The following PELI2 variants were observed in gnomAD, a reference collection of about 807,000 sequenced individuals.
PELI2 encodes E3 ubiquitin-protein ligase pellino homolog 2.
In PELI2, 23 loss-of-function variants were observed where a neutral mutation model predicts 42.3. The ratio of observed to expected loss-of-function variants is 0.54; its 90% CI spans 0.39 to 0.77. The LOEUF (loss-of-function observed/expected upper bound fraction) is 0.77. Ranked by LOEUF, PELI2 falls within the 30% of genes least tolerant of loss-of-function variation. The pLI is 0.00. For missense variants in PELI2, 463 were observed against 553.2 expected (o/e 0.84, Z 1.64); for synonymous variants, 245 against 212.2 (o/e 1.15, Z -1.34).
In PELI2 at chr14:56,298,331, G is replaced by A. The variant is rs1381532405; in HGVS notation, c.*1165G>A. 1 of 57,758 alleles carries A rather than the reference G, an allele frequency of 1.7e-5. No homozygotes were observed. The highest frequency in any genetic ancestry group is 3.3e-5 in the Non-Finnish European group (1 of 30,712). The allele number at this position is 57,758 out of a possible 1,614,324, so 3.6% of individuals were successfully genotyped here. A position where few individuals can be genotyped will look rare whatever the true frequency, so the allele number is the denominator to read the frequency against. ...AATTCCTGCTTTTGAGAGAGCAAAT[G>A]AGTGTTGCTGAGGAATAATTAAATG... On this transcript the variant is annotated 3_prime_UTR_variant, in exon 6 of 6. Transcript: ENST00000267460.
chr14:56,254,732 A>C (rs950665252), intron 2 of PELI2, among the ~76,000 whole-genome samples: 3 of 152,186 alleles, frequency 2.0e-5, no homozygotes, highest in Non-Finnish European at 4.4e-5. Context: ...AATTTTTGCA[A>C]TCTTTCCCGT....
Position 56,205,938 on chromosome 14 carries a change from A to AT in PELI2, c.207+27483dup, listed in dbSNP as rs1341754207. Among the ~76,000 whole-genome samples, 7 of 151,740 alleles carry AT rather than the reference A, an allele frequency of 4.6e-5. No homozygotes were observed. In the East Asian group the frequency reaches 7.7e-4, roughly 17 times the overall value. ...TCTAAGAGGGTAATTGGAGAGTTGG[A>AT]TTTTTTTTTCCTGTGGACTAATCAG... On this transcript the variant is annotated intron_variant, in intron 2 of 5. Transcript: ENST00000267460.
At chr14:56,240,564 T>C (rs557653541) in intron 2 of PELI2, among the ~76,000 whole-genome samples, 96 of 152,250 alleles carry the variant, frequency 6.3e-4, no homozygotes, top group Non-Finnish European at 1.0e-3. Context: ...GGAAGACTAC[T>C]CTTTCAAGGA....
At chr14:56,200,736 C>G (rs1394304324) in intron 2 of PELI2, among the ~76,000 whole-genome samples, 1 of 152,218 alleles carries the variant, frequency 6.6e-6, no homozygotes, top group Non-Finnish European at 1.5e-5. Flanking sequence ...AATCAGGTCT[C>G]TCCTTCTTAA....
chr14:56,297,925 G>A lies in PELI2; in HGVS notation c.*759G>A, dbSNP rs555607137. The stretch of plus-strand genomic sequence containing the variant: ...ATACTCATCTTGCACGGCCAGAACT[G>A]TTTGGTTGATTAAAATACATCAGCT... On this transcript the variant is annotated 3_prime_UTR_variant, in exon 6 of 6. Transcript: ENST00000267460. 1 of 152,076 alleles carries A rather than the reference G, an allele frequency of 6.6e-6. No individual in the cohort carries two copies. The highest frequency in any genetic ancestry group is 1.5e-5 in the Non-Finnish European group (1 of 68,022). The allele number at this position is 152,076 out of a possible 1,614,324, so 9.4% of individuals were successfully genotyped here.
intron 1 of PELI2, among the ~76,000 whole-genome samples, chr14:56,155,447 A>G (rs1010547897): frequency 2.0e-5 from 3 of 152,156 alleles, no homozygotes; most frequent in Non-Finnish European, 4.4e-5. Context: ...CCCTAGCACA[A>G]TCGATTAGAT....
chr14:56,226,301 C>A (rs1182289932), intron 2 of PELI2, among the ~76,000 whole-genome samples: 1 of 152,206 alleles, frequency 6.6e-6, no homozygotes, highest in African/African-American at 2.4e-5. Flanking sequence ...TTGCTTTTCA[C>A]CCCTGCCCAC....
intron 1 of PELI2, among the ~76,000 whole-genome samples, chr14:56,165,413 T>C (rs10149099): frequency 7.7e-4 from 117 of 152,296 alleles, no homozygotes; most frequent in African/African-American, 2.7e-3. Context: ...ATTTTTTGAA[T>C]GTTTTAAGAC....
intron 2 of PELI2, among the ~76,000 whole-genome samples, chr14:56,256,439 G>A (rs1188920097): frequency 1.3e-5 from 2 of 151,490 alleles, no homozygotes; most frequent in Non-Finnish European, 2.9e-5. Flanking sequence ...GGCAAAGATC[G>A]AGACCCTGTC....
intron 1 of PELI2, among the ~76,000 whole-genome samples, chr14:56,146,951 G>A (rs1433105507): frequency 6.6e-6 from 1 of 152,100 alleles, no homozygotes; most frequent in Admixed American, 6.5e-5. Context: ...CCAGTCTGTG[G>A]TTAATTCCTG....
intron 3 of PELI2, among the ~76,000 whole-genome samples, chr14:56,284,671 C>T (rs1889591709): frequency 6.6e-6 from 1 of 152,126 alleles, no homozygotes. Flanking sequence ...GTGGGTATTT[C>T]TACAACCATT....
intron 2 of PELI2, among the ~76,000 whole-genome samples, chr14:56,220,552 G>A (rs1171608960): frequency 6.6e-6 from 1 of 152,124 alleles, no homozygotes; most frequent in Non-Finnish European, 1.5e-5. Context: ...CCAATACTAC[G>A]TGTGATTGTG....
At position 56,177,999 on chromosome 14, in the gene PELI2, G is replaced by T. The variant is rs116593037; in HGVS notation, c.78-336G>T. Among the ~76,000 whole-genome samples the T allele has an allele frequency of 2.6e-3, 393 of 152,266 alleles. 2 individuals are homozygous for T. Among genetic ancestry groups the T allele is most frequent in the African/African-American group, 9.3e-3 (388 of 41,556 alleles). The stretch of plus-strand genomic sequence containing the variant: ...TGTATCTCTGGGGTCTATTAGAATG[G>T]TGCTAGTTGAATTGAGCCAGCCCTA... On this transcript the variant is annotated intron_variant, in intron 1 of 5. Coordinates refer to ENST00000267460, the MANE Select transcript of PELI2 (RefSeq NM_021255.3).
chr14:56,282,768 T>G (rs1315672895), intron 3 of PELI2, among the ~76,000 whole-genome samples: 1 of 152,152 alleles, frequency 6.6e-6, no homozygotes, highest in Non-Finnish European at 1.5e-5. Flanking sequence ...GGAAAATATC[T>G]TCCTACATAA....
rs200006555 is a variant in PELI2, at chr14:56,184,178, A to AT, written c.207+5721dup. Reference sequence around the variant, plus strand: ...ACATTGTTAAAATAGCATTTGGACAATTTTTTTAGCAGTTTGGCTCTATTA... The same window carrying AT: ...ACATTGTTAAAATAGCATTTGGACAATTTTTTTTAGCAGTTTGGCTCTATTA... On this transcript the variant is annotated intron_variant, in intron 2 of 5. Transcript: ENST00000267460. 3.9e-4 allele frequency among the ~76,000 whole-genome samples: 60 copies of AT among 152,148 alleles called. 1 individual carries two copies. The highest frequency in any genetic ancestry group is 1.1e-3 in the Admixed American group (17 of 15,294).
At chr14:56,189,563 C>T (rs527909173) in intron 2 of PELI2, among the ~76,000 whole-genome samples, 95 of 152,316 alleles carry the variant, frequency 6.2e-4, no homozygotes, top group Non-Finnish European at 1.0e-3. Flanking sequence ...ACACCTGGAA[C>T]GCATCATATG....
At chr14:56,290,171 C>G in intron 4 of PELI2, 97 bp from the exon 5 acceptor site, 1 of 877,214 alleles carries the variant, frequency 1.1e-6, no homozygotes, top group East Asian at 2.5e-5. Context: ...ACCTTCCTCC[C>G]CTCTGCCTCT....
At chr14:56,258,114 C>A (rs534050650) in intron 2 of PELI2, among the ~76,000 whole-genome samples, 1 of 152,132 alleles carries the variant, frequency 6.6e-6, no homozygotes, top group Admixed American at 6.5e-5. Flanking sequence ...CCAGGGAAAT[C>A]GGATAGAGTC....
chr14:56,284,825 C>G (rs1053091534), intron 3 of PELI2, among the ~76,000 whole-genome samples: 2 of 152,148 alleles, frequency 1.3e-5, no homozygotes, highest in African/African-American at 4.8e-5. Flanking sequence ...AACTAAGGCT[C>G]TCCTCTCAAG....
Sources: gnomAD v4.1 joint callset for allele counts (sites outside exome capture counted in the v4.1 genomes callset) on GRCh38, gnomAD v4.1.1 for gene constraint, MANE v1.5 for transcripts, NCBI Gene and HGNC (gene_info 2026-07-23, HGNC 2026-07-21) for gene names.